TNRC6C: variants seen among roughly 807,000 people sequenced by gnomAD.
TNRC6C encodes trinucleotide repeat-containing gene 6C protein.
Under a neutral mutation model 153.7 loss-of-function variants are expected in TNRC6C, and 20 were observed. That is an observed-to-expected ratio of 0.13 (90% CI 0.09 to 0.19). The LOEUF (loss-of-function observed/expected upper bound fraction) is 0.19. TNRC6C is among the 10% of genes least tolerant of loss of function. TNRC6C has a pLI of 1.00. For synonymous variants in TNRC6C, 811 were observed against 841.4 expected (o/e 0.96, Z 0.63); for missense variants, 1,987 against 2,172.0 (o/e 0.91, Z 1.69).
chr17:78,046,251 G>A (rs998190633), intron 2 of TNRC6C, among the ~76,000 whole-genome samples: 6 of 150,412 alleles, frequency 4.0e-5, no homozygotes, highest in African/African-American at 9.8e-5. Flanking sequence ...GCACAGTCTC[G>A]GCTCACTGCA....
exon 3 of TNRC6C, chr17:78,051,084 C>T (rs201133108): frequency 9.4e-6 from 15 of 1,601,840 alleles, no homozygotes; most frequent in Middle Eastern, 3.3e-4. Flanking sequence ...CCCAAGACAA[C>T]AATGTGAGTA....
chr17:77,981,065 TC>T (rs2071070317), intron 1 of TNRC6C, among the ~76,000 whole-genome samples: 1 of 152,140 alleles, frequency 6.6e-6, no homozygotes, highest in South Asian at 2.1e-4. Flanking sequence ...AGCCTCAACC[TC>T]CTGGACTCAA....
intron 2 of TNRC6C, among the ~76,000 whole-genome samples, chr17:78,042,803 A>AT (rs900855740): frequency 2.2e-3 from 333 of 151,854 alleles, no homozygotes; most frequent in African/African-American, 7.6e-3. Context: ...GGTGTTGGTG[A>AT]TGACGGTGTT....
At chr17:78,038,779 TA>T (rs1257473475) in intron 2 of TNRC6C, among the ~76,000 whole-genome samples, 1 of 152,142 alleles carries the variant, frequency 6.6e-6, no homozygotes, top group Non-Finnish European at 1.5e-5. Flanking sequence ...GTCAAAACTT[TA>T]AATCTTGTTA....
intron 1 of TNRC6C, among the ~76,000 whole-genome samples, chr17:77,960,968 A>G (rs1259702783): frequency 6.6e-6 from 1 of 152,146 alleles, no homozygotes; most frequent in African/African-American, 2.4e-5. Context: ...GCTGTTTTTC[A>G]TACAGATTTC....
At chr17:78,077,250 C>A in exon 9 of TNRC6C, 1 of 1,601,130 alleles carries the variant, frequency 6.2e-7, no homozygotes, top group South Asian at 1.1e-5. Context: ...TGAAGCTCCC[C>A]CTTTCACACA....
chr17:78,058,910 TATAAA>T (rs2072710709), intron 3 of TNRC6C, among the ~76,000 whole-genome samples: 1 of 152,242 alleles, frequency 6.6e-6, no homozygotes, highest in Non-Finnish European at 1.5e-5. Flanking sequence ...ATTATCATCT[TATAAA>T]ATATAAAACC....
intron 3 of TNRC6C, among the ~76,000 whole-genome samples, chr17:78,064,468 C>A (rs1298786386): frequency 6.6e-6 from 1 of 152,032 alleles, no homozygotes; most frequent in Non-Finnish European, 1.5e-5. Flanking sequence ...TGAGTGAGCC[C>A]AGGAGTTGAG....
chr17:78,059,991 G>T (rs2072735083), intron 3 of TNRC6C, among the ~76,000 whole-genome samples: 1 of 152,064 alleles, frequency 6.6e-6, no homozygotes, highest in South Asian at 2.1e-4. Flanking sequence ...TACTTCACAT[G>T]ATGACTCAAT....
At chr17:78,098,496 G>T (rs1245585202) in exon 17 of TNRC6C, 2 of 1,613,822 alleles carry the variant, frequency 1.2e-6, no homozygotes, top group South Asian at 2.2e-5. Flanking sequence ...TCCTCCACCT[G>T]GGGTGCCAGC....
intron 5 of TNRC6C, 96 bp from the exon 8 acceptor site, chr17:78,070,989 T>A (rs2072983565): frequency 1.1e-5 from 14 of 1,238,348 alleles, no homozygotes; most frequent in Non-Finnish European, 1.6e-5. Flanking sequence ...TCCTGTGACT[T>A]TTAAATGACC....
At chr17:78,090,613 T>C (rs1410947203) in intron 13 of TNRC6C, among the ~76,000 whole-genome samples, 1 of 152,208 alleles carries the variant, frequency 6.6e-6, no homozygotes, top group Non-Finnish European at 1.5e-5. Context: ...ACTCTTTACT[T>C]CAACCTTCTT....
chr17:78,102,738 G>A (rs2073620356), intron 18 of TNRC6C, 194 bp downstream of exon 21: 7 of 560,198 alleles, frequency 1.2e-5, no homozygotes, highest in Non-Finnish European at 2.2e-5. Flanking sequence ...GGGGCCCAGG[G>A]GCCTCTTTTA....
At chr17:78,028,351 GCAGACC>G (rs2071988484) in intron 1 of TNRC6C, among the ~76,000 whole-genome samples, 1 of 152,202 alleles carries the variant, frequency 6.6e-6, no homozygotes. Context: ...CTGGAACAAG[GCAGACC>G]CAGGAAGTTG....
intron 1 of TNRC6C, among the ~76,000 whole-genome samples, chr17:77,961,847 A>G (rs1043488691): frequency 6.6e-6 from 1 of 152,204 alleles, no homozygotes; most frequent in Admixed American, 6.5e-5. Flanking sequence ...AGTATTTTTC[A>G]TCACCGCTAC....
chr17:78,099,924 C>T (rs2073559175), intron 17 of TNRC6C, among the ~76,000 whole-genome samples: 1 of 152,234 alleles, frequency 6.6e-6, no homozygotes, highest in Non-Finnish European at 1.5e-5. Flanking sequence ...TAAATACAGT[C>T]ATTCCAAATG....
At chr17:78,039,216 T>G (rs972120708) in intron 2 of TNRC6C, among the ~76,000 whole-genome samples, 3 of 152,138 alleles carry the variant, frequency 2.0e-5, no homozygotes, top group Admixed American at 6.5e-5. Flanking sequence ...CAATCTCACT[T>G]TATCCTGTGA....
chr17:78,047,066 G>C (rs1478254696), intron 2 of TNRC6C, among the ~76,000 whole-genome samples: 1 of 151,986 alleles, frequency 6.6e-6, no homozygotes, highest in Non-Finnish European at 1.5e-5. Flanking sequence ...GGGTTGCAGT[G>C]AGTGCTGTCT....
chr17:77,965,738 A>G (rs553360823), intron 1 of TNRC6C, among the ~76,000 whole-genome samples: 64 of 152,372 alleles, frequency 4.2e-4, no homozygotes, highest in Non-Finnish European at 8.5e-4. Flanking sequence ...CACATATTAA[A>G]AAGTTGACAA....
Sources: allele counts gnomAD v4.1 joint callset (sites outside exome capture counted in the v4.1 genomes callset), GRCh38; gene constraint gnomAD v4.1.1; transcripts MANE v1.5; gene names NCBI Gene and HGNC (gene_info 2026-07-23, HGNC 2026-07-21).